The following PKD1 variants were observed in gnomAD, a reference collection of about 807,000 sequenced individuals.
The protein encoded by PKD1 is polycystin 1, transient receptor potential channel interacting, also known as polycystin-1.
A neutral mutation model predicts 361.7 loss-of-function variants in PKD1; 81 were observed. The ratio of observed to expected loss-of-function variants is 0.22; its 90% confidence interval spans 0.19 to 0.27. The LOEUF is 0.27. PKD1 is among the 10% of genes least tolerant of loss of function. The pLI is 1.00. For missense variants in PKD1, 6,399 were observed against 6,118.3 expected, an observed-to-expected ratio of 1.05 and a Z score of -1.53; for synonymous variants, 3,615 against 2,818.3, an observed-to-expected ratio of 1.28 and a Z score of -8.95.
At chr16:2,104,426 T>TG (rs1354789038) in intron 22 of PKD1, 72 bp downstream of exon 22, 113 of 955,442 alleles carry the variant, frequency 1.2e-4, no homozygotes, top group Admixed American at 9.7e-4. Flanking sequence ...GCGACGCGGT[T>TG]GGGGGGAGGA....
In PKD1 at chr16:2,100,308, C is replaced by A. The variant is rs765659054; in HGVS notation, c.9570G>T (p.Gly3190=). Residue 3190 remains glycine (G), a splice_region_variant and synonymous_variant, in exon 28 of 46, where the codon GGG becomes GGT. Transcript: ENST00000262304. The surrounding 1 kb of genome is among the most constrained non-coding windows in gnomAD (Gnocchi z 4.4). ...WKIRVWHDNK[G]LSPAWFLQHV... is the part of the protein sequence containing the mutation. Reference sequence around the variant, plus strand: ...GCTGCAGGAACCAGGCAGGGCTGAGCCCTGCAGAGGCGCAGGAGGGAGGTC... The same window carrying A: ...GCTGCAGGAACCAGGCAGGGCTGAGACCTGCAGAGGCGCAGGAGGGAGGTC... The A allele has an allele frequency of 1.2e-6, 2 of 1,610,670 alleles. No homozygotes were observed. The highest frequency in any genetic ancestry group is 1.1e-5 in the South Asian group (1 of 90,990).
intron 33 of PKD1, 34 bp from the exon 34 acceptor site, chr16:2,097,275 T>C (rs758785542): frequency 1.9e-6 from 3 of 1,607,502 alleles, no homozygotes; most frequent in Non-Finnish European, 2.5e-6. Context: ...TGGGCCCAGC[T>C]GCAAGGGTGA....
intron 21 of PKD1, among the ~76,000 whole-genome samples, chr16:2,104,855 C>G (rs1486825330): frequency 5.4e-5 from 5 of 93,250 alleles, no homozygotes. Context: ...AGCCCACCGA[C>G]CACACAAGGC....
chr16:2,121,909 G>A (rs145314886), intron 1 of PKD1, among the ~76,000 whole-genome samples: 43 of 152,274 alleles, frequency 2.8e-4, no homozygotes, highest in Middle Eastern at 3.4e-3. Flanking sequence ...ATGACCACCC[G>A]GCAGCCAGCC....
chr16:2,122,421 C>G (rs1414262633), intron 1 of PKD1, among the ~76,000 whole-genome samples: 2 of 152,208 alleles, frequency 1.3e-5, no homozygotes, highest in East Asian at 1.9e-4. Context: ...CACTTCCCCC[C>G]TAACTGAACC....
In PKD1 at chr16:2,117,931, G is replaced by A. The variant is rs763558103; in HGVS notation, c.1061C>T (p.Ala354Val). The A allele has an allele frequency of 2.2e-5, 31 of 1,380,312 alleles. No homozygotes were observed. The highest frequency in any genetic ancestry group is 1.5e-4 in the South Asian group (12 of 82,394). 85.5% of individuals were successfully genotyped at this position (1,380,312 alleles called of 1,614,324 possible). ...CACGAGCTCCAGGGCGGCAGGTGCCGCTTCCACCTGCACGTCTGTCCCCAG... is the reference window on the plus strand; with the variant it reads ...CACGAGCTCCAGGGCGGCAGGTGCCACTTCCACCTGCACGTCTGTCCCCAG... ...ALLGTDVQVE[A>V]APAALELVCP... Residue 354 changes from alanine (A) to valine (V), a missense_variant, in exon 5 of 46, where the codon GCG becomes GTG. By Grantham distance (64) the Ala-to-Val change is moderately conservative. Transcript: ENST00000262304.
chr16:2,092,246 GT>G, intron 39 of PKD1, 58 bp from the exon 40 acceptor site: 1 of 1,520,620 alleles, frequency 6.6e-7, no homozygotes. Context: ...CAACAGGAGT[GT>G]TTCCTGCTGG....
Position 2,111,654 on chromosome 16 carries a change from G to C in PKD1, c.3513C>G (p.Thr1171=), listed in dbSNP as rs143784787. Reference sequence around the variant, plus strand: ...TGTGGTTGGCAGCCGGCTGGCTCTGGGTCAGGACAGGGGAGCCGTCCCCGA... The same window carrying C: ...TGTGGTTGGCAGCCGGCTGGCTCTGCGTCAGGACAGGGGAGCCGTCCCCGA... ...WDFGDGSPVL[T]QSQPAANHTY... is the part of the protein sequence containing the mutation. Residue 1171 remains threonine, a synonymous_variant, in exon 15 of 46, where the codon ACC becomes ACG. Coordinates refer to ENST00000262304, the MANE Select transcript of PKD1 (RefSeq NM_001009944.3). 10,330 of 1,573,854 alleles carry C rather than the reference G, an allele frequency of 6.6e-3. 74 individuals are homozygous for C. Among genetic ancestry groups the C allele is most frequent in the Non-Finnish European group, 6.3e-3 (7,347 of 1,161,090 alleles).
intron 1 of PKD1, among the ~76,000 whole-genome samples, chr16:2,126,420 G>A (rs942333314): frequency 2.0e-5 from 3 of 152,274 alleles, no homozygotes; most frequent in African/African-American, 4.8e-5. Context: ...GGAGCTGCAG[G>A]GAGAAAAGGA....
At chr16:2,097,119 C>G (rs769180162) in intron 34 of PKD1, 29 bp downstream of exon 34, 2 of 1,255,526 alleles carry the variant, frequency 1.6e-6, no homozygotes, top group African/African-American at 1.6e-5. Flanking sequence ...CTCTGGCAAT[C>G]CCCCCTCCCC....
chr16:2,125,308 C>T (rs13337478), intron 1 of PKD1, among the ~76,000 whole-genome samples: 2 of 152,090 alleles, frequency 1.3e-5, no homozygotes, highest in Admixed American at 1.3e-4. Flanking sequence ...CCTGGCCCCA[C>T]GAGGGGTGGG....
At position 2,097,439 on chromosome 16, in the gene PKD1, T is replaced by G. The variant is rs371881043; in HGVS notation, c.10285A>C (p.Ile3429Leu). ...SWPDLLSDPS[I>L]VGSNLRQLAR... The stretch of plus-strand genomic sequence containing the variant: ...AGCTGCCGCAGATTGCTACCCACAA[T>G]GGACGGGTCACTGAGCAGGTCCGGC... Residue 3429 changes from isoleucine to leucine, a missense_variant, in exon 33 of 46, where the codon ATT (isoleucine) becomes CTT (leucine). Coordinates refer to ENST00000262304, the MANE Select transcript of PKD1 (RefSeq NM_001009944.3). 5.6e-6 allele frequency: 9 copies of G among 1,606,990 alleles called. No homozygotes were observed. The highest frequency in any genetic ancestry group is 7.6e-6 in the Non-Finnish European group (9 of 1,179,928).
At position 2,089,976 on chromosome 16, in the gene PKD1, G is replaced by T. The variant is rs1205696072; in HGVS notation, c.12663C>A (p.Ala4221=). The change falls in exon 46 of 46, where the codon GCC becomes GCA. Residue 4221 remains alanine, a synonymous_variant. Transcript: ENST00000262304. The stretch of plus-strand genomic sequence containing the variant: ...TGAGTCGGTCAAACTGGGTGAGCAG[G>T]GCCTCGAACACGGCTTGGAGGCGGG... ...EPSRLQAVFE[A]LLTQFDRLNQ... 2 of 1,612,034 alleles carry T rather than the reference G, an allele frequency of 1.2e-6. No individual in the cohort carries two copies. The highest frequency in any genetic ancestry group is 3.3e-5 in the Admixed American group (2 of 59,906).
Position 2,090,622 on chromosome 16 carries a change from CAGCTGAGCTG to C in PKD1, c.12138+42_12139-33del, listed in dbSNP as rs758921376. 6.8e-6 allele frequency: 11 copies of C among 1,609,288 alleles called. No individual in the cohort carries two copies. In the South Asian group the frequency reaches 1.2e-4, roughly 18 times the overall value. On this transcript the variant is annotated intron_variant, in intron 44 of 45. Transcript: ENST00000262304. ...GGAAGGCGACACCAGTGAGGGCGTA[CAGCTGAGCTG>C]AGCTGAGCTAAGACGCCCTCCCCGG...
At chr16:2,133,762 C>T (rs2092916600) in intron 1 of PKD1, among the ~76,000 whole-genome samples, 4 of 147,520 alleles carry the variant, frequency 2.7e-5, no homozygotes. Context: ...CTGTTGCACA[C>T]TTGGGGGGCC....
rs536065645 is a variant in PKD1, at chr16:2,088,711, C to T, written c.*1016G>A. On this transcript the variant is annotated 3_prime_UTR_variant, in exon 46 of 46. Coordinates refer to ENST00000262304, the MANE Select transcript of PKD1 (RefSeq NM_001009944.3). ...TGCACAGACATAGAGGCACAGATTG[C>T]AGTCAGACAGCTCTTTTATTGACTT... 94 of 1,435,744 alleles carry T rather than the reference C, an allele frequency of 6.5e-5. No homozygotes were observed. In the African/African-American group the frequency reaches 9.8e-4, roughly 15 times the overall value. The allele number at this position is 1,435,744 out of a possible 1,614,324, so 88.9% of individuals were successfully genotyped here.
chr16:2,089,631 G>A lies in PKD1; in HGVS notation c.*96C>T. 2.8e-6 allele frequency: 4 copies of A among 1,436,982 alleles called. No individual in the cohort carries two copies. Among genetic ancestry groups the A allele is most frequent in the South Asian group, 1.2e-5 (1 of 81,152 alleles). 89.0% of individuals were successfully genotyped at this position (1,436,982 alleles called of 1,614,324 possible). On this transcript the variant is annotated 3_prime_UTR_variant, in exon 46 of 46. Transcript: ENST00000262304. Reference sequence around the variant, plus strand: ...CTGCTCTCTGGGGAACCTACGTGCAGCCATTCTGCCTGGCCCTCGGCCTTG... The same window carrying A: ...CTGCTCTCTGGGGAACCTACGTGCAACCATTCTGCCTGGCCCTCGGCCTTG...
At position 2,111,678 on chromosome 16, in the gene PKD1, G is replaced by T; in HGVS notation, c.3489C>A (p.Phe1163Leu). The change falls in exon 15 of 46, where the codon TTC (phenylalanine) becomes TTA (leucine). Residue 1163 changes from phenylalanine to leucine, a missense_variant. Phe to Leu is a conservative substitution (Grantham distance 22). Transcript: ENST00000262304. ...GGGTCAGGACAGGGGAGCCGTCCCC[G>T]AAGTCCCACGTGTAAAGAACACCCC... ...SPGGVLYTWD[F>L]GDGSPVLTQS... The T allele has an allele frequency of 1.3e-6, 2 of 1,577,442 alleles. No individual in the cohort carries two copies. The highest frequency in any genetic ancestry group is 1.7e-6 in the Non-Finnish European group (2 of 1,163,118).
rs369450826 is a variant in PKD1 at position 2,103,783 on chromosome 16, G to A, written c.8274C>T (p.Ala2758=). Residue 2758 remains alanine, a synonymous_variant, in exon 23 of 46, where the codon GCC becomes GCT. Transcript: ENST00000262304. The stretch of plus-strand genomic sequence containing the variant: ...GGGAGCGCATGAGGATGCGCATGAG[G>A]GCAGAGGTCAGGTTGTAGGCCTGGG... ...VASQAYNLTS[A]LMRILMRSRV... 2.1e-5 allele frequency: 34 copies of A among 1,609,620 alleles called. No individual in the cohort carries two copies. Among genetic ancestry groups the A allele is most frequent in the East Asian group, 4.5e-5 (2 of 44,714 alleles).
Sources: allele counts gnomAD v4.1 joint callset (sites outside exome capture counted in the v4.1 genomes callset), GRCh38; gene constraint gnomAD v4.1.1; non-coding constraint Gnocchi (gnomAD v3.1); transcripts MANE v1.5; gene names NCBI Gene and HGNC (gene_info 2026-07-23, HGNC 2026-07-21).